The following PPP1R9A variants were observed in gnomAD, a reference collection of about 807,000 sequenced individuals.
The protein encoded by PPP1R9A is protein phosphatase 1 regulatory subunit 9A, also known as neurabin-1.
In PPP1R9A, 59 loss-of-function variants were observed where a neutral mutation model predicts 141.9. The ratio of observed to expected loss-of-function variants is 0.42; its 90% confidence interval spans 0.34 to 0.52. The LOEUF (loss-of-function observed/expected upper bound fraction) is 0.52. Among genes scored for constraint, PPP1R9A ranks in the 20% least tolerant of loss-of-function variants. The pLI is 0.10. For missense variants in PPP1R9A, 1,444 were observed against 1,611.9 expected (o/e 0.90, Z 1.78); for synonymous variants, 500 against 569.7 (o/e 0.88, Z 1.74).
intron 12 of PPP1R9A, among the ~76,000 whole-genome samples, chr7:95,257,404 G>T (rs185725908): frequency 2.0e-5 from 3 of 152,010 alleles, no homozygotes; most frequent in Non-Finnish European, 4.4e-5. Flanking sequence ...AAAATGAATT[G>T]GATTCTACCT....
At chr7:95,236,588 TTC>T (rs1411143686) in intron 8 of PPP1R9A, among the ~76,000 whole-genome samples, 1 of 151,712 alleles carries the variant, frequency 6.6e-6, no homozygotes, top group African/African-American at 2.4e-5. Context: ...CCCTTTTATA[TTC>T]TTTCTTCTCT....
At chr7:95,204,378 G>T (rs115699082) in intron 7 of PPP1R9A, among the ~76,000 whole-genome samples, 1 of 152,046 alleles carries the variant, frequency 6.6e-6, no homozygotes, top group East Asian at 1.9e-4. Flanking sequence ...GGAAACTGAA[G>T]AATAAAGGAA....
chr7:95,198,790 A>C (rs191067934), intron 6 of PPP1R9A, among the ~76,000 whole-genome samples: 72 of 152,334 alleles, frequency 4.7e-4, no homozygotes, highest in African/African-American at 1.4e-3. Context: ...TGTCATCTTT[A>C]TTGGTGGAAT....
Position 95,273,896 on chromosome 7 carries a change from T to C in PPP1R9A, c.3125-3T>C. 6.7e-7 allele frequency: 1 copy of C among 1,496,576 alleles called. No individual in the cohort carries two copies. Among genetic ancestry groups the C allele is most frequent in the East Asian group, 2.3e-5 (1 of 44,050 alleles). The allele number at this position is 1,496,576 out of a possible 1,614,324, so 92.7% of individuals were successfully genotyped here. A position where few individuals can be genotyped will look rare whatever the true frequency, so the allele number is the denominator to read the frequency against. On this transcript the variant is annotated splice_region_variant and splice_polypyrimidine_tract_variant and intron_variant, in intron 14 of 19. Coordinates refer to ENST00000433360, the MANE Select transcript of PPP1R9A (RefSeq NM_001166160.2). ...ATCTTTTTCACAAATGTGTATATCC[T>C]AGATGATGCCAAAGATCCCAAATCA...
At chr7:95,166,951 T>C (rs971265702) in intron 5 of PPP1R9A, among the ~76,000 whole-genome samples, 1 of 152,150 alleles carries the variant, frequency 6.6e-6, no homozygotes, top group Non-Finnish European at 1.5e-5. Context: ...AAACATTTGA[T>C]AAAATTCAGT....
chr7:95,190,251 A>G (rs1835299879), intron 5 of PPP1R9A, among the ~76,000 whole-genome samples: 1 of 151,970 alleles, frequency 6.6e-6, no homozygotes, highest in Non-Finnish European at 1.5e-5. Flanking sequence ...TTCCCTAGGG[A>G]TGGGACTTCC....
At chr7:95,073,736 T>A (rs1009188088) in intron 2 of PPP1R9A, among the ~76,000 whole-genome samples, 4 of 146,078 alleles carry the variant, frequency 2.7e-5, no homozygotes, top group African/African-American at 1.0e-4. Flanking sequence ...CATATATATA[T>A]AAATAAATAC....
intron 2 of PPP1R9A, among the ~76,000 whole-genome samples, chr7:95,034,924 A>G (rs1182348331): frequency 6.6e-6 from 1 of 152,176 alleles, no homozygotes; most frequent in Non-Finnish European, 1.5e-5. Context: ...AAATGCAGGG[A>G]TGTTAATTAA....
chr7:95,023,600 C>T (rs990381673), intron 2 of PPP1R9A, among the ~76,000 whole-genome samples: 2 of 152,084 alleles, frequency 1.3e-5, no homozygotes, highest in Non-Finnish European at 2.9e-5. Flanking sequence ...GTTGCCCAGG[C>T]TGGAGTGCAG....
At chr7:95,014,375 G>A (rs1200001407) in intron 2 of PPP1R9A, among the ~76,000 whole-genome samples, 1 of 151,934 alleles carries the variant, frequency 6.6e-6, no homozygotes, top group Non-Finnish European at 1.5e-5. Flanking sequence ...ATATTCATAA[G>A]CTTGGGTTTA....
intron 12 of PPP1R9A, among the ~76,000 whole-genome samples, chr7:95,268,099 A>G (rs1331844922): frequency 1.3e-5 from 2 of 152,148 alleles, no homozygotes; most frequent in Admixed American, 1.3e-4. Context: ...ATTTTGCTAC[A>G]GTAAATTTAT....
At chr7:95,281,407 A>G (rs1804203377) in intron 16 of PPP1R9A, among the ~76,000 whole-genome samples, 1 of 152,180 alleles carries the variant, frequency 6.6e-6, no homozygotes. Context: ...AGCTAGGGAA[A>G]GGAAGCCTCT....
At chr7:95,194,611 G>A (rs1001207993) in intron 5 of PPP1R9A, among the ~76,000 whole-genome samples, 1 of 151,374 alleles carries the variant, frequency 6.6e-6, no homozygotes, top group Non-Finnish European at 1.5e-5. Context: ...AATGACTTTA[G>A]CAAGGTCGCA....
intron 2 of PPP1R9A, among the ~76,000 whole-genome samples, chr7:95,021,151 T>C (rs1469601292): frequency 6.6e-6 from 1 of 152,196 alleles, no homozygotes; most frequent in African/African-American, 2.4e-5. Context: ...TTCCTGACAT[T>C]TTAATGATCG....
At chr7:95,197,884 G>T (rs1836522732) in intron 5 of PPP1R9A, among the ~76,000 whole-genome samples, 1 of 152,132 alleles carries the variant, frequency 6.6e-6, no homozygotes, top group Admixed American at 6.6e-5. Context: ...CCGGGCCTCA[G>T]GTGATCCACC....
rs1016372656 is a variant in PPP1R9A at position 95,294,582 on chromosome 7, T to C, written c.*4279T>C. ...ACTCCTGAAAAGCAGCCTGGGTATG[T>C]TGGCAGATTTTGTTTGCATTTGTCT... On this transcript the variant is annotated 3_prime_UTR_variant, in exon 20 of 20. Transcript: ENST00000433360. 3 of 152,214 alleles carry C rather than the reference T, an allele frequency of 2.0e-5. No homozygotes were observed. Among genetic ancestry groups the C allele is most frequent in the African/African-American group, 7.2e-5 (3 of 41,440 alleles). The allele number at this position is 152,214 out of a possible 1,614,324, so 9.4% of individuals were successfully genotyped here.
At chr7:94,928,730 TA>T (rs1389388821) in intron 2 of PPP1R9A, among the ~76,000 whole-genome samples, 8 of 152,168 alleles carry the variant, frequency 5.3e-5, no homozygotes, top group Non-Finnish European at 1.0e-4. Context: ...AGTGTGAAAA[TA>T]TTTTTTTTTG....
At chr7:95,286,362 A>C in intron 18 of PPP1R9A, 37 bp downstream of exon 18, 1 of 1,607,058 alleles carries the variant, frequency 6.2e-7, no homozygotes, top group Non-Finnish European at 8.5e-7. Flanking sequence ...TGCTTTGTCA[A>C]ATCTGACGTT....
At chr7:95,063,511 G>A (rs1432839252) in intron 2 of PPP1R9A, among the ~76,000 whole-genome samples, 1 of 152,152 alleles carries the variant, frequency 6.6e-6, no homozygotes, top group Non-Finnish European at 1.5e-5. Flanking sequence ...TCTGCAGTGA[G>A]CTGTGATTGT....
Sources: allele counts gnomAD v4.1 joint callset (sites outside exome capture counted in the v4.1 genomes callset), GRCh38; gene constraint gnomAD v4.1.1; transcripts MANE v1.5; gene names NCBI Gene and HGNC (gene_info 2026-07-23, HGNC 2026-07-21).